The following ZCCHC7 variants were observed in gnomAD, a reference collection of about 807,000 sequenced individuals.
ZCCHC7 encodes zinc finger CCHC domain-containing protein 7.
In ZCCHC7, 35 loss-of-function variants were observed where a neutral mutation model predicts 52.0. The observed-to-expected ratio is 0.67, with a 90% CI of 0.51 to 0.89. The LOEUF (loss-of-function observed/expected upper bound fraction) is 0.89, where lower values mean the gene tolerates loss of function less well. Among genes scored for constraint, ZCCHC7 ranks in the 40% least tolerant of loss-of-function variants. The pLI, the probability that ZCCHC7 is intolerant of heterozygous loss-of-function variation, is 0.00. For missense variants in ZCCHC7, 574 were observed against 649.1 expected (o/e 0.88, Z 1.26); for synonymous variants, 217 against 221.5 (o/e 0.98, Z 0.18).
At chr9:37,179,095 A>G (rs1236822826) in intron 2 of ZCCHC7, among the ~76,000 whole-genome samples, 1 of 152,208 alleles carries the variant, frequency 6.6e-6, no homozygotes, top group African/African-American at 2.4e-5. Context: ...ATAACCAGGC[A>G]TGCTATTTAC....
At chr9:37,199,090 G>T (rs66684257) in intron 2 of ZCCHC7, among the ~76,000 whole-genome samples, 64,171 of 151,734 alleles carry the variant, frequency 0.42, 15,004 homozygotes, top group African/African-American at 0.62. Flanking sequence ...TTCTCTTTTT[G>T]GGGTTCTGTT....
chr9:37,334,804 G>A (rs1331812024), intron 6 of ZCCHC7, among the ~76,000 whole-genome samples: 2 of 151,920 alleles, frequency 1.3e-5, no homozygotes, highest in Admixed American at 1.3e-4. Context: ...TCTTTAGAAA[G>A]CATTTAACAA....
chr9:37,340,130 T>C (rs1820528888), intron 6 of ZCCHC7, among the ~76,000 whole-genome samples: 1 of 152,152 alleles, frequency 6.6e-6, no homozygotes, highest in Admixed American at 6.6e-5. Context: ...AAAAAAGGGT[T>C]ATGTAAAATG....
At chr9:37,317,526 A>T (rs1829874650) in intron 5 of ZCCHC7, among the ~76,000 whole-genome samples, 1 of 152,224 alleles carries the variant, frequency 6.6e-6, no homozygotes, top group African/African-American at 2.4e-5. Context: ...AGCCCAGGCA[A>T]CATGGTGAGA....
intron 2 of ZCCHC7, among the ~76,000 whole-genome samples, chr9:37,172,509 GC>G (rs1821784654): frequency 6.6e-6 from 1 of 152,074 alleles, no homozygotes; most frequent in Non-Finnish European, 1.5e-5. Context: ...ATTTTTAAAG[GC>G]ATTTCTTCTT....
At chr9:37,183,150 T>C (rs1309743755) in intron 2 of ZCCHC7, among the ~76,000 whole-genome samples, 1 of 152,250 alleles carries the variant, frequency 6.6e-6, no homozygotes, top group Non-Finnish European at 1.5e-5. Context: ...CTTGGCACTT[T>C]TAGATTAAAA....
At chr9:37,281,697 G>A (rs905758124) in intron 2 of ZCCHC7, among the ~76,000 whole-genome samples, 3 of 152,168 alleles carry the variant, frequency 2.0e-5, no homozygotes, top group Non-Finnish European at 1.5e-5. Flanking sequence ...TTCAGGACTA[G>A]CAGTTGCTAA....
At chr9:37,131,857 C>T (rs866952010) in intron 2 of ZCCHC7, among the ~76,000 whole-genome samples, 15 of 152,240 alleles carry the variant, frequency 9.9e-5, no homozygotes, top group Middle Eastern at 6.8e-3. Context: ...TAGCCTTCCT[C>T]GGTGCATATA....
chr9:37,356,243 G>GT (rs1821693796), intron 8 of ZCCHC7, among the ~76,000 whole-genome samples: 2 of 152,058 alleles, frequency 1.3e-5, no homozygotes, highest in South Asian at 4.1e-4. Context: ...TCAGAGATCC[G>GT]TATTAAGCGT....
In ZCCHC7 at chr9:37,154,790, G is replaced by A. The variant is rs1820721283; in HGVS notation, c.610+27848G>A. On this transcript the variant is annotated intron_variant, in intron 2 of 8. Coordinates refer to ENST00000336755, the MANE Select transcript of ZCCHC7 (RefSeq NM_032226.3). ...ATTACAGGTGTGAGCCACTGCACCC[G>A]GTCGTTAATTAGAGAGTCCTGATCT... 2.0e-5 allele frequency among the ~76,000 whole-genome samples: 3 copies of A among 151,964 alleles called. No homozygotes were observed. In the South Asian group the frequency reaches 6.2e-4, roughly 32 times the overall value.
chr9:37,316,145 C>T (rs1829809919), intron 5 of ZCCHC7, among the ~76,000 whole-genome samples: 1 of 151,774 alleles, frequency 6.6e-6, no homozygotes, highest in Non-Finnish European at 1.5e-5. Context: ...CTGCAACTTC[C>T]ACCTCCTGGG....
At chr9:37,210,889 T>C (rs898073309) in intron 2 of ZCCHC7, among the ~76,000 whole-genome samples, 1 of 152,222 alleles carries the variant, frequency 6.6e-6, no homozygotes, top group Admixed American at 6.5e-5. Flanking sequence ...TCACTCCATT[T>C]GTCTGGTCAG....
At chr9:37,172,143 C>T (rs1477698875) in intron 2 of ZCCHC7, among the ~76,000 whole-genome samples, 1 of 152,170 alleles carries the variant, frequency 6.6e-6, no homozygotes, top group Non-Finnish European at 1.5e-5. Flanking sequence ...AGGCAAAATT[C>T]ATAAGGGATT....
At chr9:37,198,523 G>A (rs1823407138) in intron 2 of ZCCHC7, among the ~76,000 whole-genome samples, 1 of 152,282 alleles carries the variant, frequency 6.6e-6, no homozygotes, top group East Asian at 1.9e-4. Flanking sequence ...TTGCCCTGGA[G>A]TGCTCACCCG....
At chr9:37,239,313 T>G (rs1825782942) in intron 2 of ZCCHC7, among the ~76,000 whole-genome samples, 1 of 152,164 alleles carries the variant, frequency 6.6e-6, no homozygotes, top group Non-Finnish European at 1.5e-5. Context: ...TGTTTACTAG[T>G]TTTCATTGTT....
At chr9:37,240,380 A>G (rs925250410) in intron 2 of ZCCHC7, among the ~76,000 whole-genome samples, 9 of 151,968 alleles carry the variant, frequency 5.9e-5, no homozygotes, top group Non-Finnish European at 1.5e-5. Flanking sequence ...GAGAATTTGT[A>G]TAGAGGTTAA....
intron 2 of ZCCHC7, among the ~76,000 whole-genome samples, chr9:37,189,314 G>A (rs1822891763): frequency 6.6e-6 from 1 of 151,704 alleles, no homozygotes; most frequent in Non-Finnish European, 1.5e-5. Flanking sequence ...AATTATTTTG[G>A]GCTGTATCCT....
At chr9:37,260,043 C>T (rs1826789878) in intron 2 of ZCCHC7, among the ~76,000 whole-genome samples, 1 of 152,054 alleles carries the variant, frequency 6.6e-6, no homozygotes, top group South Asian at 2.1e-4. Context: ...ATTATAAATG[C>T]CTTGATGAAT....
chr9:37,287,740 C>T (rs921909368), intron 2 of ZCCHC7, among the ~76,000 whole-genome samples: 2 of 151,956 alleles, frequency 1.3e-5, no homozygotes, highest in African/African-American at 4.8e-5. Flanking sequence ...CTATTATATA[C>T]TTATTATAGG....
Sources: gnomAD v4.1 joint callset for allele counts (sites outside exome capture counted in the v4.1 genomes callset) on GRCh38, gnomAD v4.1.1 for gene constraint, MANE v1.5 for transcripts, NCBI Gene and HGNC (gene_info 2026-07-23, HGNC 2026-07-21) for gene names.